ARID4B: variants seen among roughly 807,000 people sequenced by gnomAD.
ARID4B encodes AT-rich interaction domain 4B, also known as AT-rich interactive domain-containing protein 4B.
In ARID4B, 26 loss-of-function variants were observed where a neutral mutation model predicts 147.5. The ratio of observed to expected loss-of-function variants is 0.18; its 90% CI spans 0.13 to 0.24. The LOEUF (loss-of-function observed/expected upper bound fraction) is 0.24. Among genes scored for constraint, ARID4B ranks in the 10% least tolerant of loss-of-function variants. The pLI, the probability that ARID4B is intolerant of heterozygous loss-of-function variation, is 1.00. For missense variants in ARID4B, 1,179 were observed against 1,511.5 expected (o/e 0.78, Z 3.65); for synonymous variants, 512 against 507.9 (o/e 1.01, Z -0.11).
intron 2 of ARID4B, among the ~76,000 whole-genome samples, chr1:235,271,584 T>A (rs374955187): frequency 9.2e-4 from 139 of 151,464 alleles, no homozygotes; most frequent in African/African-American, 3.2e-3. Context: ...GAGCCGAGTT[T>A]GCACCACTGC....
chr1:235,200,907 G>GC (rs1263755615), intron 17 of ARID4B, among the ~76,000 whole-genome samples: 1 of 152,130 alleles, frequency 6.6e-6, no homozygotes, highest in Non-Finnish European at 1.5e-5. Context: ...ACTTTGGGAG[G>GC]CCGAGGAGGG....
chr1:235,234,619 C>A, intron 8 of ARID4B, 127 bp from the exon 9 acceptor site: 2 of 595,318 alleles, frequency 3.4e-6, no homozygotes, highest in Admixed American at 3.5e-5. Flanking sequence ...TGAGGGTAAA[C>A]AGGCACACAC....
chr1:235,266,623 T>C (rs911154140), intron 2 of ARID4B, among the ~76,000 whole-genome samples: 1 of 152,184 alleles, frequency 6.6e-6, no homozygotes, highest in Admixed American at 6.5e-5. Flanking sequence ...CTAAAAAGCA[T>C]AAGCAATTTT....
intron 2 of ARID4B, among the ~76,000 whole-genome samples, chr1:235,300,029 A>G (rs955605911): frequency 6.6e-6 from 1 of 152,150 alleles, no homozygotes; most frequent in African/African-American, 2.4e-5. Flanking sequence ...GCTCCCCCAT[A>G]AAAGAAACCC....
At chr1:235,216,472 C>T (rs1054980929) in intron 16 of ARID4B, among the ~76,000 whole-genome samples, 2 of 151,982 alleles carry the variant, frequency 1.3e-5, no homozygotes, top group African/African-American at 4.8e-5. Context: ...TTCAGCTTCC[C>T]AATAAGCTGG....
intron 8 of ARID4B, among the ~76,000 whole-genome samples, chr1:235,236,850 A>ATATATATGTG (rs1359178358): frequency 8.0e-5 from 3 of 37,526 alleles, no homozygotes; most frequent in Non-Finnish European, 1.1e-4. Flanking sequence ...ATATATATAT[A>ATATATATGTG]TATATATATA....
chr1:235,230,228 CA>C (rs1668111816), intron 10 of ARID4B, among the ~76,000 whole-genome samples: 1 of 151,908 alleles, frequency 6.6e-6, no homozygotes, highest in Admixed American at 6.6e-5. Context: ...CCAGCCTGGT[CA>C]ATGGTGAAAC....
intron 2 of ARID4B, among the ~76,000 whole-genome samples, chr1:235,303,233 T>C (rs1329660230): frequency 6.6e-6 from 1 of 152,172 alleles, no homozygotes; most frequent in Non-Finnish European, 1.5e-5. Context: ...AGAGAGTTTA[T>C]ATTCTTAACC....
At chr1:235,282,874 G>T (rs1380491841) in intron 2 of ARID4B, among the ~76,000 whole-genome samples, 1 of 152,090 alleles carries the variant, frequency 6.6e-6, no homozygotes, top group Non-Finnish European at 1.5e-5. Context: ...TCCGCCTACC[G>T]GGTTCACGCC....
At chr1:235,261,331 G>A (rs1028478622) in intron 2 of ARID4B, among the ~76,000 whole-genome samples, 10 of 152,060 alleles carry the variant, frequency 6.6e-5, no homozygotes, top group Non-Finnish European at 1.2e-4. Flanking sequence ...ACCACCCCAA[G>A]CAACATAGGG....
At chr1:235,185,552 T>C (rs943967739) in intron 19 of ARID4B, among the ~76,000 whole-genome samples, 18 of 152,330 alleles carry the variant, frequency 1.2e-4, no homozygotes, top group African/African-American at 4.3e-4. Context: ...CTAGGTCCAC[T>C]GTTAACTGAA....
At chr1:235,289,514 A>C (rs1672190108) in intron 2 of ARID4B, among the ~76,000 whole-genome samples, 1 of 152,076 alleles carries the variant, frequency 6.6e-6, no homozygotes, top group Non-Finnish European at 1.5e-5. Flanking sequence ...GCTTGAGCCC[A>C]GGAGTTCGAG....
chr1:235,302,006 A>G (rs1042137338), intron 2 of ARID4B, among the ~76,000 whole-genome samples: 1 of 151,128 alleles, frequency 6.6e-6, no homozygotes, highest in African/African-American at 2.4e-5. Context: ...TAACTCTTTT[A>G]TATTTTTAGT....
At chr1:235,253,801 T>C (rs1669786745) in intron 5 of ARID4B, among the ~76,000 whole-genome samples, 2 of 152,170 alleles carry the variant, frequency 1.3e-5, no homozygotes, top group Admixed American at 1.3e-4. Context: ...TTTTAAATAA[T>C]GTTACCAGAT....
intron 2 of ARID4B, among the ~76,000 whole-genome samples, chr1:235,311,356 C>CAATAAT (rs57278836): frequency 0.075 from 10,298 of 136,598 alleles, 461 homozygotes; most frequent in Middle Eastern, 0.1. Context: ...TGTCTCAAAA[C>CAATAAT]AATAATAATA....
At chr1:235,256,010 C>A (rs541133166) in intron 4 of ARID4B, among the ~76,000 whole-genome samples, 1 of 151,730 alleles carries the variant, frequency 6.6e-6, no homozygotes, top group Non-Finnish European at 1.5e-5. Context: ...CCCGTCTCTA[C>A]CAAAAGTACA....
chr1:235,293,131 A>G (rs72758034), intron 2 of ARID4B, among the ~76,000 whole-genome samples: 19,989 of 152,216 alleles, frequency 0.13, 1,527 homozygotes, highest in African/African-American at 0.2. Context: ...ATCTCATTTC[A>G]TCTCAGCAAC....
intron 18 of ARID4B, among the ~76,000 whole-genome samples, chr1:235,195,331 ACCTATAAT>A (rs1665419179): frequency 6.6e-6 from 1 of 152,128 alleles, no homozygotes. Flanking sequence ...GGTGGCTCAC[ACCTATAAT>A]CCCGGCATTT....
At position 235,176,437 on chromosome 1, in the gene ARID4B, C is replaced by CAAAAAAAAAAAAAAA. The variant is rs34808765; in HGVS notation, c.3449-1053_3449-1039dup. ...CTGATTTTTCACTTAACAACATCAC[C>CAAAAAAAAAAAAAAA]AAAAAAAAAAAAAAAAAAAAAAAAA... On this transcript the variant is annotated intron_variant, in intron 21 of 23. Transcript: ENST00000264183. Among the ~76,000 whole-genome samples, 14 of 22,532 alleles carry CAAAAAAAAAAAAAAA rather than the reference C, an allele frequency of 6.2e-4. 1 individual carries two copies. Among genetic ancestry groups the CAAAAAAAAAAAAAAA allele is most frequent in the African/African-American group, 1.2e-3 (12 of 10,072 alleles). 14.8% of individuals were successfully genotyped at this position (22,532 alleles called of 152,430 possible).
Sources: allele counts gnomAD v4.1 joint callset (sites outside exome capture counted in the v4.1 genomes callset), GRCh38; gene constraint gnomAD v4.1.1; transcripts MANE v1.5; gene names NCBI Gene and HGNC (gene_info 2026-07-23, HGNC 2026-07-21).